Variants in PDE9A observed in about 807,000 individuals in gnomAD.
The protein encoded by PDE9A is phosphodiesterase 9A, also known as high affinity cGMP-specific 3',5'-cyclic phosphodiesterase 9A.
A neutral mutation model predicts 87.4 loss-of-function variants in PDE9A; 60 were observed. The observed-to-expected ratio is 0.69, with a 90% CI of 0.56 to 0.85. The LOEUF (loss-of-function observed/expected upper bound fraction) is 0.85, where lower values mean the gene tolerates loss of function less well. PDE9A is among the 40% of genes least tolerant of loss of function. The probability of loss-of-function intolerance (pLI) is 0.00; values close to 1 mark genes in which losing one functional copy is unlikely to be tolerated. For synonymous variants in PDE9A, 272 were observed against 279.4 expected, an observed-to-expected ratio of 0.97 and a Z score of 0.27; for missense variants, 665 against 779.0, an observed-to-expected ratio of 0.85 and a Z score of 1.74.
chr21:42,713,162 T>C (rs928005715), intron 4 of PDE9A, among the ~76,000 whole-genome samples: 4 of 149,522 alleles, frequency 2.7e-5, no homozygotes, highest in Admixed American at 2.7e-4. Context: ...TTTGAGACAG[T>C]GTCGCTCTGT....
At chr21:42,755,270 C>T (rs1338729213) in intron 10 of PDE9A, among the ~76,000 whole-genome samples, 1 of 152,244 alleles carries the variant, frequency 6.6e-6, no homozygotes, top group Admixed American at 6.5e-5. Context: ...TCTTGGCACC[C>T]CTGAGGCCAG....
rs569159580 is a variant in PDE9A at position 42,758,916 on chromosome 21, G to A, written c.811-83G>A. On this transcript the variant is annotated intron_variant, in intron 10 of 19. Coordinates refer to ENST00000291539, the MANE Select transcript of PDE9A (RefSeq NM_002606.3). ...CTGCCAACGGCCCTGCTGGCACTCC[G>A]AGGACAGCAGAGGGAAGGAAGCCAG... 56 of 1,052,986 alleles carry A rather than the reference G, an allele frequency of 5.3e-5. 1 individual carries two copies. Among genetic ancestry groups the A allele is most frequent in the South Asian group, 5.0e-4 (38 of 76,130 alleles). 65.2% of individuals were successfully genotyped at this position (1,052,986 alleles called of 1,614,324 possible). A position where few individuals can be genotyped will look rare whatever the true frequency, so the allele number is the denominator to read the frequency against.
chr21:42,767,589 C>T (rs1187781099), intron 15 of PDE9A, among the ~76,000 whole-genome samples: 4 of 152,190 alleles, frequency 2.6e-5, no homozygotes, highest in Non-Finnish European at 4.4e-5. Context: ...AGGTGCAGCC[C>T]GCAGCCCGGG....
At chr21:42,769,636 A>ACACACATACACACATG (rs2056811071) in intron 17 of PDE9A, among the ~76,000 whole-genome samples, 4 of 144,040 alleles carry the variant, frequency 2.8e-5, no homozygotes, top group African/African-American at 1.0e-4. Context: ...ACACACAGGC[A>ACACACATACACACATG]CACACAGGGA....
chr21:42,700,818 G>A (rs1414314892), intron 4 of PDE9A: 1 of 152,184 alleles, frequency 6.6e-6, no homozygotes, highest in Non-Finnish European at 1.5e-5. Flanking sequence ...TCCAGATCCT[G>A]TCGTGTGAAT....
At position 42,748,574 on chromosome 21, in the gene PDE9A, C is replaced by T. The variant is rs542573367; in HGVS notation, c.654-2542C>T. 2.0e-5 allele frequency among the ~76,000 whole-genome samples: 3 copies of T among 152,306 alleles called. No individual in the cohort carries two copies. The South Asian group carries it at 6.2e-4, about 32-fold the overall frequency. On this transcript the variant is annotated intron_variant, in intron 8 of 19. Coordinates refer to ENST00000291539, the MANE Select transcript of PDE9A (RefSeq NM_002606.3). ...ATAGCACAGGCTCATTGGAAAACCT[C>T]CAAACTACACTGATGGGAGCTGAAG... is the stretch of plus-strand genomic sequence containing the variant.
chr21:42,700,907 T>C (rs1302436456), intron 4 of PDE9A: 1 of 152,228 alleles, frequency 6.6e-6, no homozygotes, highest in Admixed American at 6.5e-5. Context: ...TACTCTAAGT[T>C]ATCTCTGGTT....
chr21:42,728,534 A>G (rs959034221), intron 4 of PDE9A, among the ~76,000 whole-genome samples: 2 of 152,224 alleles, frequency 1.3e-5, no homozygotes, highest in East Asian at 1.9e-4. Flanking sequence ...TTATATCCCC[A>G]GAATAAACCC....
At chr21:42,669,794 G>A (rs1379872243) in intron 1 of PDE9A, among the ~76,000 whole-genome samples, 2 of 152,166 alleles carry the variant, frequency 1.3e-5, no homozygotes, top group African/African-American at 4.8e-5. Context: ...TCTCCATGCT[G>A]CTGCTCAGCA....
intron 8 of PDE9A, among the ~76,000 whole-genome samples, chr21:42,749,703 A>G (rs1210220587): frequency 6.6e-6 from 1 of 152,276 alleles, no homozygotes; most frequent in Non-Finnish European, 1.5e-5. Context: ...CTGGATTGCT[A>G]ACGTGTGCTA....
Position 42,760,800 on chromosome 21 carries a change from A to T in PDE9A, c.1003-25A>T. The T allele has an allele frequency of 7.1e-7, 1 of 1,414,966 alleles. No individual in the cohort carries two copies. The highest frequency in any genetic ancestry group is 1.0e-6 in the Non-Finnish European group (1 of 999,756). 87.7% of individuals were successfully genotyped at this position (1,414,966 alleles called of 1,614,324 possible). A position where few individuals can be genotyped will look rare whatever the true frequency, so the allele number is the denominator to read the frequency against. On this transcript the variant is annotated intron_variant, in intron 12 of 19. Coordinates refer to ENST00000291539, the MANE Select transcript of PDE9A (RefSeq NM_002606.3). The surrounding 1 kb of genome is among the most constrained non-coding windows in gnomAD (Gnocchi z 5.2). ...CACCCTCCGAGTGAAGAGAGCAAAC[A>T]CCTACGCCCTGTTTTCCAATCCAGG...
intron 4 of PDE9A, among the ~76,000 whole-genome samples, chr21:42,727,631 G>T (rs2051283822): frequency 6.6e-6 from 1 of 151,280 alleles, no homozygotes. Context: ...ACTATGTGTG[G>T]CTGGTATTTT....
At chr21:42,699,077 A>G in intron 4 of PDE9A, 66 bp downstream of exon 4, 1 of 981,394 alleles carries the variant, frequency 1.0e-6, no homozygotes, top group Non-Finnish European at 1.6e-6. Context: ...TGCCCCTGTG[A>G]TAAAATATAT....
chr21:42,744,284 T>C (rs891454248), intron 8 of PDE9A, among the ~76,000 whole-genome samples: 3 of 151,546 alleles, frequency 2.0e-5, no homozygotes, highest in Non-Finnish European at 4.4e-5. Flanking sequence ...ACCCAGGAGG[T>C]GGAGGTTGCA....
At chr21:42,667,087 T>G (rs898192685) in intron 1 of PDE9A, among the ~76,000 whole-genome samples, 5 of 152,010 alleles carry the variant, frequency 3.3e-5, no homozygotes, top group Non-Finnish European at 7.4e-5. Context: ...ACAGACTGCT[T>G]CTTTGTCCTC....
intron 14 of PDE9A, among the ~76,000 whole-genome samples, chr21:42,763,263 G>A (rs765261566): frequency 6.6e-5 from 10 of 152,318 alleles, no homozygotes; most frequent in Non-Finnish European, 1.0e-4. Context: ...TCCACCTCCC[G>A]TGAATGTGAT....
At chr21:42,741,558 G>A (rs2053261339) in intron 7 of PDE9A, 1 of 152,282 alleles carries the variant, frequency 6.6e-6, no homozygotes, top group Non-Finnish European at 1.5e-5. Flanking sequence ...TTGGGTAGAA[G>A]AGGGGTGGAG....
At position 42,775,383 on chromosome 21, in the gene PDE9A, C is replaced by T. The variant is rs2057412236; in HGVS notation, c.*90C>T. The T allele has an allele frequency of 9.8e-7, 1 of 1,024,176 alleles. No homozygotes were observed. Among genetic ancestry groups the T allele is most frequent in the Non-Finnish European group, 1.4e-6 (1 of 705,498 alleles). The allele number at this position is 1,024,176 out of a possible 1,614,324, so 63.4% of individuals were successfully genotyped here. On this transcript the variant is annotated 3_prime_UTR_variant, in exon 20 of 20. Coordinates refer to ENST00000291539, the MANE Select transcript of PDE9A (RefSeq NM_002606.3). The stretch of plus-strand genomic sequence containing the variant: ...GGGAAGAGCTGCCCTGGGCACCTGG[C>T]ACCACAAGACCATGTTTTCTAAGAA...
chr21:42,740,907 A>G (rs531302587), intron 7 of PDE9A, among the ~76,000 whole-genome samples: 12 of 152,326 alleles, frequency 7.9e-5, no homozygotes, highest in African/African-American at 2.9e-4. Context: ...AGGATCCTAG[A>G]CAAGTTTTTA....
Sources: allele counts gnomAD v4.1 joint callset (sites outside exome capture counted in the v4.1 genomes callset), GRCh38; gene constraint gnomAD v4.1.1; non-coding constraint Gnocchi (gnomAD v3.1); transcripts MANE v1.5; gene names NCBI Gene and HGNC (gene_info 2026-07-23, HGNC 2026-07-21).